ATXN7L1: variants seen among roughly 807,000 people sequenced by gnomAD.
ATXN7L1 encodes ataxin 7 like 1.
Under a neutral mutation model 70.8 loss-of-function variants are expected in ATXN7L1, and 15 were observed. The ratio of observed to expected loss-of-function variants is 0.21; its 90% CI spans 0.14 to 0.33. The LOEUF (loss-of-function observed/expected upper bound fraction) is 0.33, where lower values mean the gene tolerates loss of function less well. Ranked by LOEUF, ATXN7L1 falls within the 10% of genes least tolerant of loss-of-function variation. The pLI is 1.00. For synonymous variants in ATXN7L1, 440 were observed against 445.1 expected (o/e 0.99, Z 0.14); for missense variants, 975 against 1,097.1 (o/e 0.89, Z 1.57).
intron 2 of ATXN7L1, among the ~76,000 whole-genome samples, chr7:105,836,771 T>C (rs1329366350): frequency 6.6e-6 from 1 of 152,020 alleles, no homozygotes. Flanking sequence ...TATAAGAAAA[T>C]AGGTTTAGGC....
chr7:105,798,755 C>A (rs957886050), intron 2 of ATXN7L1, among the ~76,000 whole-genome samples: 45 of 152,034 alleles, frequency 3.0e-4, no homozygotes, highest in African/African-American at 1.0e-3. Context: ...AAATAGCTAC[C>A]CTGAAGTATA....
chr7:105,636,461 C>A (rs866305114), intron 7 of ATXN7L1, among the ~76,000 whole-genome samples: 2 of 151,662 alleles, frequency 1.3e-5, no homozygotes, highest in Admixed American at 1.3e-4. Context: ...CCCCCACCCC[C>A]ACTTCTTTTC....
chr7:105,807,097 C>G (rs928140922), intron 2 of ATXN7L1, among the ~76,000 whole-genome samples: 1 of 152,178 alleles, frequency 6.6e-6, no homozygotes. Context: ...CACCTGTTGC[C>G]CCAGGATTTG....
intron 2 of ATXN7L1, among the ~76,000 whole-genome samples, chr7:105,804,695 G>A (rs1426496271): frequency 2.0e-5 from 3 of 152,162 alleles, no homozygotes; most frequent in Non-Finnish European, 4.4e-5. Context: ...TTTACTCCAC[G>A]TTAGGTACTG....
chr7:105,776,632 G>T (rs1030346870), intron 3 of ATXN7L1, among the ~76,000 whole-genome samples: 1 of 152,130 alleles, frequency 6.6e-6, no homozygotes. Flanking sequence ...GTGTGAGAGG[G>T]GGGAGGGGTG....
At chr7:105,752,846 A>G (rs533147078) in intron 3 of ATXN7L1, among the ~76,000 whole-genome samples, 18 of 152,178 alleles carry the variant, frequency 1.2e-4, no homozygotes, top group African/African-American at 4.3e-4. Context: ...CACCCTGAAC[A>G]AAGCCCTCCC....
rs139597115 is a variant in ATXN7L1 at position 105,865,053 on chromosome 7, C to T, written c.250+10759G>A. Among the ~76,000 whole-genome samples, 205 of 152,302 alleles carry T rather than the reference C, an allele frequency of 1.3e-3. 1 individual carries two copies. Among genetic ancestry groups the T allele is most frequent in the African/African-American group, 4.6e-3 (193 of 41,570 alleles). On this transcript the variant is annotated intron_variant, in intron 2 of 11. Transcript: ENST00000419735. ...TTGACAAAAGATGCCTGGTGAGCCCCGGGCATCCCCCGGAGCAGTAAGAAC... is the reference window on the plus strand; with the variant it reads ...TTGACAAAAGATGCCTGGTGAGCCCTGGGCATCCCCCGGAGCAGTAAGAAC...
chr7:105,826,224 GA>G (rs1232114550), intron 2 of ATXN7L1, among the ~76,000 whole-genome samples: 1 of 152,084 alleles, frequency 6.6e-6, no homozygotes. Flanking sequence ...TACTTTGGGG[GA>G]AAAAAGCACA....
At chr7:105,704,371 A>G (rs1441484005) in intron 3 of ATXN7L1, among the ~76,000 whole-genome samples, 1 of 152,198 alleles carries the variant, frequency 6.6e-6, no homozygotes, top group Non-Finnish European at 1.5e-5. Flanking sequence ...GTAATCTGTG[A>G]TTGTTCTTTA....
Position 105,733,586 on chromosome 7 carries a change from C to CCATT in ATXN7L1, c.355+55017_355+55018insAATG, listed in dbSNP as rs1563048819. Among the ~76,000 whole-genome samples, 25 of 133,872 alleles carry CCATT rather than the reference C, an allele frequency of 1.9e-4. 4 individuals carry two copies. The highest frequency in any genetic ancestry group is 3.0e-4 in the Admixed American group (4 of 13,526). 87.8% of individuals were successfully genotyped at this position (133,872 alleles called of 152,430 possible). ...TCCATCCTTCCATCCATCCACCCAT[C>CCATT]CATCCATCCATCCATCCACCCATCC... On this transcript the variant is annotated intron_variant, in intron 3 of 11. Coordinates refer to ENST00000419735, the MANE Select transcript of ATXN7L1 (RefSeq NM_020725.2).
At chr7:105,685,044 G>GATAATA (rs112358794) in intron 3 of ATXN7L1, among the ~76,000 whole-genome samples, 18,154 of 142,478 alleles carry the variant, frequency 0.13, 1,152 homozygotes, top group East Asian at 0.17. Flanking sequence ...GAGAAGAGAT[G>GATAATA]ATAATAATAA....
chr7:105,811,865 C>T (rs1808481696), intron 2 of ATXN7L1, among the ~76,000 whole-genome samples: 1 of 152,138 alleles, frequency 6.6e-6, no homozygotes, highest in Admixed American at 6.5e-5. Flanking sequence ...CCAAGGCCTC[C>T]CTGCTGACCT....
chr7:105,724,425 T>G (rs1240692238), intron 3 of ATXN7L1, among the ~76,000 whole-genome samples: 1 of 151,358 alleles, frequency 6.6e-6, no homozygotes, highest in Non-Finnish European at 1.5e-5. Context: ...AATACAAAAA[T>G]TAGCTGGGTG....
chr7:105,764,923 C>T (rs1801043794), intron 3 of ATXN7L1, among the ~76,000 whole-genome samples: 1 of 152,030 alleles, frequency 6.6e-6, no homozygotes, highest in South Asian at 2.1e-4. Context: ...TATGAGATTC[C>T]ACCATGAATG....
chr7:105,652,694 G>A (rs1429268799), intron 4 of ATXN7L1, among the ~76,000 whole-genome samples: 1 of 152,220 alleles, frequency 6.6e-6, no homozygotes, highest in African/African-American at 2.4e-5. Flanking sequence ...CCATCCCCCT[G>A]CCAGGAAGGC....
chr7:105,826,052 T>C (rs1327144081), intron 2 of ATXN7L1, among the ~76,000 whole-genome samples: 2 of 152,180 alleles, frequency 1.3e-5, no homozygotes, highest in African/African-American at 4.8e-5. Context: ...CTCATATATA[T>C]ACCCTTTATA....
chr7:105,874,806 C>T (rs1203433120), intron 2 of ATXN7L1, among the ~76,000 whole-genome samples: 1 of 152,182 alleles, frequency 6.6e-6, no homozygotes, highest in African/African-American at 2.4e-5. Context: ...GGTGACATCC[C>T]TTTTTATGAG....
rs1792923133 is a variant in ATXN7L1, at chr7:105,609,003, T to C, written c.2548-1113A>G. Among the ~76,000 whole-genome samples the C allele has an allele frequency of 2.0e-5, 3 of 152,136 alleles. No individual in the cohort carries two copies. In the South Asian group the frequency reaches 6.2e-4, roughly 32 times the overall value. Reference sequence around the variant, plus strand: ...TGCACACACTCCATTGAGAAAATCATTTATCACAGGTGTACACACCGACTA... The same window carrying C: ...TGCACACACTCCATTGAGAAAATCACTTATCACAGGTGTACACACCGACTA... On this transcript the variant is annotated intron_variant, in intron 11 of 11. Coordinates refer to ENST00000419735, the MANE Select transcript of ATXN7L1 (RefSeq NM_020725.2).
intron 7 of ATXN7L1, among the ~76,000 whole-genome samples, chr7:105,631,229 A>G (rs937234231): frequency 1.3e-5 from 2 of 152,170 alleles, no homozygotes; most frequent in African/African-American, 2.4e-5. Flanking sequence ...CATTAAGAAA[A>G]CAGGATGTGG....
Sources: gnomAD v4.1 joint callset for allele counts (sites outside exome capture counted in the v4.1 genomes callset) on GRCh38, gnomAD v4.1.1 for gene constraint, MANE v1.5 for transcripts, NCBI Gene and HGNC (gene_info 2026-07-23, HGNC 2026-07-21) for gene names.